The following MGAT4A variants were observed in gnomAD, a reference collection of about 807,000 sequenced individuals.
MGAT4A encodes N-acetylglucosaminyltransferase IVa.
Under a neutral mutation model 74.1 loss-of-function variants are expected in MGAT4A, and 33 were observed. The observed-to-expected ratio is 0.45, with a 90% CI of 0.34 to 0.60. The LOEUF (loss-of-function observed/expected upper bound fraction) is 0.60. Among genes scored for constraint, MGAT4A ranks in the 20% least tolerant of loss-of-function variants. The pLI is 0.02. For missense variants in MGAT4A, 479 were observed against 628.3 expected, an observed-to-expected ratio of 0.76 and a Z score of 2.54; for synonymous variants, 198 against 210.4, an observed-to-expected ratio of 0.94 and a Z score of 0.51.
chr2:98,678,600 C>T (rs1056113753), intron 2 of MGAT4A, 129 bp from the exon 3 acceptor site: 1 of 497,244 alleles, frequency 2.0e-6, no homozygotes, highest in African/African-American at 2.0e-5. Flanking sequence ...TGATACAGAA[C>T]TGAAAAAAAA....
At chr2:98,631,583 G>A (rs1038544186) in intron 14 of MGAT4A, among the ~76,000 whole-genome samples, 1 of 152,244 alleles carries the variant, frequency 6.6e-6, no homozygotes, top group Non-Finnish European at 1.5e-5. Context: ...GCACACCCGC[G>A]GATGCTGGCA....
intron 2 of MGAT4A, among the ~76,000 whole-genome samples, chr2:98,714,512 G>A (rs758919635): frequency 6.6e-6 from 1 of 152,174 alleles, no homozygotes; most frequent in African/African-American, 2.4e-5. Flanking sequence ...GCAGGTGGAC[G>A]TGGAAATAGC....
intron 8 of MGAT4A, among the ~76,000 whole-genome samples, chr2:98,648,689 T>G (rs1303821647): frequency 6.7e-6 from 1 of 149,018 alleles, no homozygotes; most frequent in Non-Finnish European, 1.5e-5. Flanking sequence ...ACCACTGCAC[T>G]CCAGCCTTGG....
rs1701663868 is a variant in MGAT4A at position 98,656,473 on chromosome 2, G to A, written c.585-8C>T. On this transcript the variant is annotated splice_region_variant and splice_polypyrimidine_tract_variant and intron_variant, in intron 6 of 15. Coordinates refer to ENST00000393487, the MANE Select transcript of MGAT4A (RefSeq NM_012214.3). Reference sequence around the variant, plus strand: ...CTGATTTCTTTAGAAAATCTATTATGAGAAAGTTAGCTGAGTTACTTAAGT... The same window carrying A: ...CTGATTTCTTTAGAAAATCTATTATAAGAAAGTTAGCTGAGTTACTTAAGT... 10 of 1,557,376 alleles carry A rather than the reference G, an allele frequency of 6.4e-6. No individual in the cohort carries two copies. The highest frequency in any genetic ancestry group is 7.9e-6 in the Non-Finnish European group (9 of 1,137,158).
At chr2:98,721,728 A>C (rs2104335948) in intron 2 of MGAT4A, among the ~76,000 whole-genome samples, 1 of 152,314 alleles carries the variant, frequency 6.6e-6, no homozygotes, top group South Asian at 2.1e-4. Flanking sequence ...TTCTGTTGAG[A>C]GACTACTAAA....
Position 98,678,488 on chromosome 2 carries a change from AAC to A in MGAT4A, c.95-19_95-18del. The A allele has an allele frequency of 6.5e-7, 1 of 1,547,012 alleles. No individual in the cohort carries two copies. The highest frequency in any genetic ancestry group is 1.7e-5 in the Admixed American group (1 of 58,590). ...TCAGTTTTTCTAGAAGCAAAACCAA[AAC>A]AGTTATAGTATATGTCTTAAAACAA... is the stretch of plus-strand genomic sequence containing the variant. On this transcript the variant is annotated intron_variant, in intron 2 of 15. Transcript: ENST00000393487.
intron 2 of MGAT4A, among the ~76,000 whole-genome samples, chr2:98,685,218 T>C (rs1377274748): frequency 7.0e-6 from 1 of 142,736 alleles, no homozygotes; most frequent in Non-Finnish European, 1.5e-5. Flanking sequence ...GCCTGGGTGA[T>C]AGAGCAAGAC....
intron 12 of MGAT4A, among the ~76,000 whole-genome samples, chr2:98,638,389 A>G (rs891692076): frequency 2.6e-5 from 4 of 152,188 alleles, no homozygotes; most frequent in African/African-American, 9.6e-5. Flanking sequence ...AAGTTATAAA[A>G]TTTGCTTTTC....
intron 3 of MGAT4A, among the ~76,000 whole-genome samples, chr2:98,677,113 G>A (rs537575802): frequency 2.6e-5 from 4 of 152,288 alleles, no homozygotes; most frequent in African/African-American, 9.6e-5. Context: ...AGATACATAT[G>A]TCAATTTAAT....
At chr2:98,630,520 C>T (rs763519781) in intron 14 of MGAT4A, among the ~76,000 whole-genome samples, 26 of 152,094 alleles carry the variant, frequency 1.7e-4, no homozygotes, top group African/African-American at 4.6e-4. Context: ...CTATTAGGGA[C>T]GGACAGCTGA....
Position 98,730,877 on chromosome 2 carries a change from C to A in MGAT4A, c.-236+171G>T, listed in dbSNP as rs1191307283. Among the ~76,000 whole-genome samples, 8 of 146,678 alleles carry A rather than the reference C, an allele frequency of 5.5e-5. No individual in the cohort carries two copies. The East Asian group carries it at 1.2e-3, about 22-fold the overall frequency. ...GCGCCAACAGCTCCCCCGCACAGAG[C>A]TCCGGCCGGGCCGCGGCGCAGTAGG... is the stretch of plus-strand genomic sequence containing the variant. On this transcript the variant is annotated intron_variant, in intron 1 of 15. Coordinates refer to ENST00000393487, the MANE Select transcript of MGAT4A (RefSeq NM_012214.3).
At chr2:98,712,199 ACCTTTCTCC>A (rs2104326306) in intron 2 of MGAT4A, among the ~76,000 whole-genome samples, 1 of 152,256 alleles carries the variant, frequency 6.6e-6, no homozygotes, top group East Asian at 1.9e-4. Flanking sequence ...CACAGCGAAT[ACCTTTCTCC>A]CCCATTAAAT....
chr2:98,635,335 T>C lies in MGAT4A; in HGVS notation c.1402-47A>G, dbSNP rs538617189. The C allele has an allele frequency of 1.8e-4, 253 of 1,382,920 alleles. 4 individuals carry two copies. In the Admixed American group the frequency reaches 4.2e-3, roughly 23 times the overall value. The allele number at this position is 1,382,920 out of a possible 1,614,324, so 85.7% of individuals were successfully genotyped here. ...AATTTCAAAAATAATTCTTTCTATT[T>C]AACCTAAGTTATTAATATATCTTAA... On this transcript the variant is annotated intron_variant, in intron 13 of 15. Transcript: ENST00000393487.
Position 98,650,873 on chromosome 2 carries a change from G to A in MGAT4A, c.774+4572C>T, listed in dbSNP as rs533554581. 1.6e-3 allele frequency among the ~76,000 whole-genome samples: 237 copies of A among 152,160 alleles called. 2 individuals are homozygous for A. The highest frequency in any genetic ancestry group is 2.5e-3 in the South Asian group (12 of 4,810). On this transcript the variant is annotated intron_variant, in intron 8 of 15. Coordinates refer to ENST00000393487, the MANE Select transcript of MGAT4A (RefSeq NM_012214.3). ...AGCTGAGGCAGAATGGCGTGAACCC[G>A]GAAGGTGGAGCTTACAGTGAGCCGA...
chr2:98,720,145 T>C (rs28783173), intron 2 of MGAT4A, among the ~76,000 whole-genome samples: 49,693 of 152,162 alleles, frequency 0.33, 10,488 homozygotes, highest in African/African-American at 0.59. Context: ...AAAAATTCAC[T>C]AGAGGACCTT....
chr2:98,639,778 A>G, intron 12 of MGAT4A, 30 bp downstream of exon 12: 1 of 1,540,570 alleles, frequency 6.5e-7, no homozygotes, highest in Non-Finnish European at 8.9e-7. Context: ...TCCAAATTGT[A>G]AGATCACATA....
chr2:98,714,247 G>A (rs954582322), intron 2 of MGAT4A, among the ~76,000 whole-genome samples: 15 of 152,064 alleles, frequency 9.9e-5, no homozygotes, highest in Non-Finnish European at 1.8e-4. Flanking sequence ...CACCATGCCC[G>A]GCTAATTTTT....
At chr2:98,730,454 T>C (rs1326117395) in intron 1 of MGAT4A, among the ~76,000 whole-genome samples, 1 of 152,120 alleles carries the variant, frequency 6.6e-6, no homozygotes, top group Non-Finnish European at 1.5e-5. Context: ...CCCGCAGCCC[T>C]TCACTTTGTG....
chr2:98,641,533 G>A (rs887873648), intron 10 of MGAT4A, among the ~76,000 whole-genome samples: 2 of 149,800 alleles, frequency 1.3e-5, no homozygotes, highest in Admixed American at 6.7e-5. Context: ...TTAGCCGGGC[G>A]TGGTGGCGGG....
Sources: allele counts gnomAD v4.1 joint callset (sites outside exome capture counted in the v4.1 genomes callset), GRCh38; gene constraint gnomAD v4.1.1; transcripts MANE v1.5; gene names NCBI Gene and HGNC (gene_info 2026-07-23, HGNC 2026-07-21).